The following EXOC7 variants were observed in gnomAD, a reference collection of about 807,000 sequenced individuals.
The protein encoded by EXOC7 is exocyst complex component Exo70.
Under a neutral mutation model 87.6 loss-of-function variants are expected in EXOC7, and 51 were observed. The ratio of observed to expected loss-of-function variants is 0.58; its 90% confidence interval spans 0.46 to 0.73. EXOC7 has a LOEUF of 0.73. EXOC7 is among the 30% of genes least tolerant of loss of function. The probability of loss-of-function intolerance (pLI) is 0.00; values close to 1 mark genes in which losing one functional copy is unlikely to be tolerated. For missense variants in EXOC7, 744 were observed against 888.4 expected (o/e 0.84, Z 2.07); for synonymous variants, 327 against 357.1 (o/e 0.92, Z 0.95).
In EXOC7 at chr17:76,088,065, T is replaced by C; in HGVS notation, c.1357A>G (p.Ser453Gly). Residue 453 changes from serine (S) to glycine (G), a missense_variant, in exon 11 of 19, where the codon AGC becomes GGC. Around this residue, in one of 3 missense-constraint regions of EXOC7, gnomAD observed 228 missense variants for 298.6 expected, o/e 0.76. Coordinates refer to ENST00000589210, the MANE Select transcript of EXOC7 (RefSeq NM_001013839.4). Reference sequence around the variant, plus strand: ...TGTCCTCAGGCAGCACCCACATTGCTGGTGAGCTCGTGTACGGTGCCGTCC... The same window carrying C: ...TGTCCTCAGGCAGCACCCACATTGCCGGTGAGCTCGTGTACGGTGCCGTCC... ...PKDGTVHELT[S>G]NAILFLQQLL... 1 of 1,614,048 alleles carries C rather than the reference T, an allele frequency of 6.2e-7. No individual in the cohort carries two copies.
At position 76,081,806 on chromosome 17, in the gene EXOC7, C is replaced by A. The variant is rs1359239305; in HGVS notation, c.*1842G>T. 1.2e-6 allele frequency: 2 copies of A among 1,612,550 alleles called. No homozygotes were observed. Among genetic ancestry groups the A allele is most frequent in the South Asian group, 2.2e-5 (2 of 91,024 alleles). ...TGCCCTGTTTCTCCCCGGTCACCCA[C>A]TGGTGCTCAGCTCGCTGGGCACCAG... is the stretch of plus-strand genomic sequence containing the variant. On this transcript the variant is annotated 3_prime_UTR_variant, in exon 19 of 19. Transcript: ENST00000589210.
chr17:76,094,780 C>T (rs2067668376), intron 5 of EXOC7, among the ~76,000 whole-genome samples, 199 bp from the exon 6 acceptor site: 1 of 149,892 alleles, frequency 6.7e-6, no homozygotes, highest in African/African-American at 2.5e-5. Flanking sequence ...GGGTCTTGCT[C>T]TGTTGCCCAG....
rs141605445 is a variant in EXOC7 at position 76,082,531 on chromosome 17, G to A, written c.*1117C>T. Reference sequence around the variant, plus strand: ...GACTGCTGACCGCATCTTCTTCCTCGTGTATGTGGTTGGGGTGCTGTGCAC... The same window carrying A: ...GACTGCTGACCGCATCTTCTTCCTCATGTATGTGGTTGGGGTGCTGTGCAC... On this transcript the variant is annotated 3_prime_UTR_variant, in exon 19 of 19. Coordinates refer to ENST00000589210, the MANE Select transcript of EXOC7 (RefSeq NM_001013839.4). The A allele has an allele frequency of 8.0e-4, 1,298 of 1,613,874 alleles. 7 individuals carry two copies. The highest frequency in any genetic ancestry group is 2.7e-4 in the Non-Finnish European group (320 of 1,179,948).
chr17:76,089,105 A>G, intron 8 of EXOC7, 70 bp downstream of exon 8: 3 of 1,596,458 alleles, frequency 1.9e-6, no homozygotes, highest in Middle Eastern at 4.0e-4. Context: ...GGTGGAGTTG[A>G]GGGCTGCAAG....
intron 2 of EXOC7, among the ~76,000 whole-genome samples, chr17:76,102,411 CACACAG>C (rs1476602658): frequency 2.2e-5 from 2 of 89,678 alleles, no homozygotes; most frequent in Non-Finnish European, 4.1e-5. Context: ...CCTGTCTACA[CACACAG>C]ACACACACAC....
rs1312951070 is a variant in EXOC7, at chr17:76,097,701, C to A, written c.640+95G>T. 6.6e-6 allele frequency: 4 copies of A among 609,396 alleles called. No individual in the cohort carries two copies. In the African/African-American group the frequency reaches 1.4e-4, roughly 22 times the overall value. The allele number at this position is 609,396 out of a possible 1,614,324, so 37.7% of individuals were successfully genotyped here. ...CATGGGCAACAGAGCAAGACTCCAT[C>A]TCAAAAAAAAAAAAAAAAAAAAAAA... On this transcript the variant is annotated intron_variant, in intron 5 of 18. Transcript: ENST00000589210.
At chr17:76,101,431 A>G in intron 3 of EXOC7, 55 bp from the exon 4 acceptor site, 2 of 1,596,112 alleles carry the variant, frequency 1.3e-6, no homozygotes, top group African/African-American at 1.4e-5. Flanking sequence ...AGAAGGACTA[A>G]GGACACAGTA....
intron 12 of EXOC7, 32 bp downstream of exon 12, chr17:76,087,622 G>T: frequency 6.5e-7 from 1 of 1,548,290 alleles, no homozygotes; most frequent in Non-Finnish European, 8.7e-7. Context: ...GAGGCGAGTG[G>T]GGCAGGGGGC....
At position 76,097,947 on chromosome 17, in the gene EXOC7, C is replaced by T. The variant is rs748658055; in HGVS notation, c.489G>A (p.Lys163=). The T allele has an allele frequency of 6.2e-7, 1 of 1,614,060 alleles. No homozygotes were observed. Among genetic ancestry groups the T allele is most frequent in the South Asian group, 1.1e-5 (1 of 91,084 alleles). ...CCAAGATGAGCACGGGCGAGACGAC[C>T]TTACTGTGCCGCGTCATCAGGCTGC... The part of the protein sequence containing the change: ...EFRSLMTRHS[K]VVSPVLILDL... Residue 163 remains lysine (K), a synonymous_variant, in exon 5 of 19, where the codon AAG becomes AAA. Transcript: ENST00000589210.
At chr17:76,092,132 G>A (rs535371746) in intron 6 of EXOC7, among the ~76,000 whole-genome samples, 16 of 152,142 alleles carry the variant, frequency 1.1e-4, no homozygotes, top group South Asian at 2.1e-4. Context: ...GGGGCAGAAA[G>A]GCACCCGGGA....
chr17:76,082,137 G>T lies in EXOC7; in HGVS notation c.*1511C>A, dbSNP rs772938472. 65 of 1,445,770 alleles carry T rather than the reference G, an allele frequency of 4.5e-5. No individual in the cohort carries two copies. Among genetic ancestry groups the T allele is most frequent in the Non-Finnish European group, 5.8e-5 (63 of 1,079,826 alleles). 89.6% of individuals were successfully genotyped at this position (1,445,770 alleles called of 1,614,324 possible). A position where few individuals can be genotyped will look rare whatever the true frequency, so the allele number is the denominator to read the frequency against. ...CACGGAGGTCCAGGTGTGGGTAGAG[G>T]CCCCTTGCATCCACCCTGCTGGCTC... On this transcript the variant is annotated 3_prime_UTR_variant, in exon 19 of 19. Transcript: ENST00000589210.
Position 76,081,121 on chromosome 17 carries a change from T to C in EXOC7, c.*2527A>G. On this transcript the variant is annotated 3_prime_UTR_variant, in exon 19 of 19. Coordinates refer to ENST00000589210, the MANE Select transcript of EXOC7 (RefSeq NM_001013839.4). ...AATTTGGGATGTTGCAAAACAAGGT[T>C]TGGGAAGCCCTTCTATGGATCGGTT... 6 of 1,002,272 alleles carry C rather than the reference T, an allele frequency of 6.0e-6. No homozygotes were observed. Among genetic ancestry groups the C allele is most frequent in the Non-Finnish European group, 8.9e-6 (6 of 676,512 alleles). The allele number at this position is 1,002,272 out of a possible 1,614,324, so 62.1% of individuals were successfully genotyped here.
chr17:76,101,129 C>G, intron 4 of EXOC7, 142 bp downstream of exon 4: 1 of 1,286,966 alleles, frequency 7.8e-7, no homozygotes, highest in Non-Finnish European at 9.9e-7. Flanking sequence ...AAGCAGAGAT[C>G]CTAATGCCTA....
Position 76,097,815 on chromosome 17 carries a change from C to T in EXOC7, c.621G>A (p.Val207=). The T allele has an allele frequency of 6.2e-7, 1 of 1,613,364 alleles. No individual in the cohort carries two copies. Among genetic ancestry groups the T allele is most frequent in the Non-Finnish European group, 8.5e-7 (1 of 1,179,610 alleles). Residue 207 remains valine (V), a synonymous_variant, in exon 5 of 19, where the codon GTG becomes GTA. Coordinates refer to ENST00000589210, the MANE Select transcript of EXOC7 (RefSeq NM_001013839.4). Reference sequence around the variant, plus strand: ...CCTTACCTTGGTTGCGGCCATATTCCACCAGCCAGCGGGAGATGCGAATGA... The same window carrying T: ...CCTTACCTTGGTTGCGGCCATATTCTACCAGCCAGCGGGAGATGCGAATGA... ...QDVIRISRWL[V]EYGRNQDFMN...
chr17:76,100,595 T>C (rs144808326), intron 4 of EXOC7, among the ~76,000 whole-genome samples: 155 of 150,676 alleles, frequency 1.0e-3, no homozygotes, highest in African/African-American at 3.7e-3. Flanking sequence ...ATCGTGCCAT[T>C]GCACTCCAGC....
intron 18 of EXOC7, 112 bp downstream of exon 18, chr17:76,083,894 A>T: frequency 6.7e-7 from 1 of 1,486,796 alleles, no homozygotes; most frequent in Non-Finnish European, 9.0e-7. Flanking sequence ...AGGTCGCTGG[A>T]TCTGCTGCCT....
intron 11 of EXOC7, 154 bp from the exon 12 acceptor site, chr17:76,087,874 G>C (rs1037780108): frequency 7.4e-6 from 7 of 949,328 alleles, no homozygotes; most frequent in South Asian, 2.9e-5. Context: ...TAGCCTGCCA[G>C]GAAAGGCCCT....
At chr17:76,085,501 C>A in intron 14 of EXOC7, 92 bp from the exon 15 acceptor site, 1 of 1,499,958 alleles carries the variant, frequency 6.7e-7, no homozygotes, top group Non-Finnish European at 9.1e-7. Context: ...TCCCATTGCA[C>A]CCCAAACTCC....
Position 76,081,404 on chromosome 17 carries a change from T to C in EXOC7, c.*2244A>G, listed in dbSNP as rs775035609. 4 of 1,613,894 alleles carry C rather than the reference T, an allele frequency of 2.5e-6. No individual in the cohort carries two copies. Among genetic ancestry groups the C allele is most frequent in the African/African-American group, 2.7e-5 (2 of 74,902 alleles). On this transcript the variant is annotated 3_prime_UTR_variant, in exon 19 of 19. Transcript: ENST00000589210. ...CTGGTGCCCTGCTTCCAGGTGACGG[T>C]GAGTCAAGTCGGGAGGAGGCCGACA...
Sources: allele counts gnomAD v4.1 joint callset (sites outside exome capture counted in the v4.1 genomes callset), GRCh38; gene constraint gnomAD v4.1.1; regional missense constraint gnomAD v4.1.1; transcripts MANE v1.5; gene names NCBI Gene and HGNC (gene_info 2026-07-23, HGNC 2026-07-21).